Variants in ARL3 observed in about 807,000 individuals in gnomAD.
ARL3 encodes the protein ADP-ribosylation factor-like protein 3.
A neutral mutation model predicts 26.0 loss-of-function variants in ARL3; 9 were observed. The ratio of observed to expected loss-of-function variants is 0.35; its 90% CI spans 0.21 to 0.60. The LOEUF (loss-of-function observed/expected upper bound fraction) is 0.60. Among genes scored for constraint, ARL3 ranks in the 20% least tolerant of loss-of-function variants. The pLI is 0.78. For missense variants in ARL3, 158 were observed against 215.7 expected (o/e 0.73, Z 1.67); for synonymous variants, 71 against 78.4 (o/e 0.91, Z 0.50).
chr10:102,705,541 T>C (rs1338275884), intron 1 of ARL3, 52 bp from the exon 2 acceptor site: 1 of 1,460,456 alleles, frequency 6.8e-7, no homozygotes, highest in Non-Finnish European at 9.2e-7. Context: ...GACTGTGATA[T>C]TAACTGGATA....
chr10:102,711,628 G>C (rs2136012294), intron 1 of ARL3, among the ~76,000 whole-genome samples: 1 of 152,136 alleles, frequency 6.6e-6, no homozygotes, highest in Admixed American at 6.6e-5. Flanking sequence ...GTGGTGGCGG[G>C]CGCCCATAGT....
chr10:102,692,574 C>A (rs1158033365), intron 3 of ARL3, among the ~76,000 whole-genome samples: 2 of 151,958 alleles, frequency 1.3e-5, no homozygotes, highest in African/African-American at 2.4e-5. Flanking sequence ...TGCCACCACA[C>A]CTGGCTAATT....
chr10:102,714,260 C>T lies in ARL3; in HGVS notation c.3+13G>A, dbSNP rs1195508741. The T allele has an allele frequency of 3.0e-6, 4 of 1,313,620 alleles. No individual in the cohort carries two copies. The highest frequency in any genetic ancestry group is 3.1e-5 in the Admixed American group (1 of 32,730). 81.4% of individuals were successfully genotyped at this position (1,313,620 alleles called of 1,614,324 possible). ...CCGGCCGGCTCCAAGGGGGCCCAGG[C>T]CCCCACACTCACCATCCTCCCGCCG... On this transcript the variant is annotated intron_variant, in intron 1 of 5. Transcript: ENST00000260746.
intron 1 of ARL3, among the ~76,000 whole-genome samples, chr10:102,709,525 C>A (rs916294714): frequency 6.7e-6 from 1 of 148,756 alleles, no homozygotes; most frequent in Non-Finnish European, 1.5e-5. Context: ...TGTGCACCTG[C>A]GGTTCCAGCT....
At chr10:102,696,125 G>A (rs1170460298) in intron 3 of ARL3, among the ~76,000 whole-genome samples, 4 of 151,652 alleles carry the variant, frequency 2.6e-5, no homozygotes, top group African/African-American at 4.8e-5. Context: ...CACCATGCCC[G>A]GCTATTTTTT....
chr10:102,677,736 T>G (rs1489130469), intron 5 of ARL3, among the ~76,000 whole-genome samples: 1 of 152,028 alleles, frequency 6.6e-6, no homozygotes, highest in African/African-American at 2.4e-5. Flanking sequence ...ACTCTCCCCT[T>G]CCCTAGAGTC....
intron 5 of ARL3, among the ~76,000 whole-genome samples, chr10:102,679,611 A>G (rs982186808): frequency 1.3e-5 from 2 of 152,144 alleles, no homozygotes; most frequent in Non-Finnish European, 2.9e-5. Flanking sequence ...AGCACCCTGA[A>G]GATGGGAAAA....
At chr10:102,698,699 C>T (rs560277879) in intron 3 of ARL3, among the ~76,000 whole-genome samples, 1 of 152,178 alleles carries the variant, frequency 6.6e-6, no homozygotes. Flanking sequence ...GAAGTGACAG[C>T]GAGCTGGGAG....
At chr10:102,695,384 G>A (rs893280882) in intron 3 of ARL3, among the ~76,000 whole-genome samples, 8 of 152,092 alleles carry the variant, frequency 5.3e-5, no homozygotes, top group African/African-American at 1.9e-4. Context: ...GGTGCTAAAT[G>A]GTATTTTGCT....
intron 3 of ARL3, among the ~76,000 whole-genome samples, chr10:102,696,667 G>A (rs2064250226): frequency 6.6e-6 from 1 of 152,226 alleles, no homozygotes; most frequent in African/African-American, 2.4e-5. Flanking sequence ...TAGGTACAAA[G>A]AATCTGCTGA....
intron 1 of ARL3, among the ~76,000 whole-genome samples, chr10:102,712,297 T>C (rs553517412): frequency 9.9e-5 from 15 of 152,232 alleles, no homozygotes; most frequent in Non-Finnish European, 1.8e-4. Context: ...CAGTTAACCA[T>C]GGGGGCTCAT....
At chr10:102,682,182 T>C (rs533207748) in intron 5 of ARL3, among the ~76,000 whole-genome samples, 1 of 152,158 alleles carries the variant, frequency 6.6e-6, no homozygotes. Flanking sequence ...CTCTTTCCGC[T>C]TTCATCCACT....
chr10:102,692,718 C>CT (rs1477748821), intron 3 of ARL3, among the ~76,000 whole-genome samples: 7 of 139,690 alleles, frequency 5.0e-5, no homozygotes, highest in East Asian at 2.2e-4. Flanking sequence ...TGTCTTTTTT[C>CT]TTTTTTTTGA....
intron 1 of ARL3, among the ~76,000 whole-genome samples, chr10:102,712,752 C>T (rs978979335): frequency 6.6e-6 from 1 of 152,140 alleles, no homozygotes; most frequent in African/African-American, 2.4e-5. Flanking sequence ...TCGGCATGCC[C>T]TTTTCATTCC....
At chr10:102,689,984 T>C (rs2064208313) in intron 3 of ARL3, 41 bp from the exon 4 acceptor site, 1 of 1,418,582 alleles carries the variant, frequency 7.0e-7, no homozygotes. Context: ...TGAGCAGAGA[T>C]GGAAAAGACA....
At chr10:102,701,924 C>T (rs899197736) in intron 2 of ARL3, among the ~76,000 whole-genome samples, 2 of 151,896 alleles carry the variant, frequency 1.3e-5, no homozygotes, top group Admixed American at 6.6e-5. Context: ...GTGGCTCACA[C>T]CCATAATCCC....
chr10:102,706,507 T>C (rs1423537278), intron 1 of ARL3, among the ~76,000 whole-genome samples: 6 of 152,186 alleles, frequency 3.9e-5, no homozygotes, highest in Non-Finnish European at 8.8e-5. Context: ...ATTCAAAATG[T>C]TCTACTATCA....
rs995146312 is a variant in ARL3 at position 102,714,354 on chromosome 10, C to T, written c.-79G>A. 7.9e-7 allele frequency: 1 copy of T among 1,259,098 alleles called. No individual in the cohort carries two copies. Among genetic ancestry groups the T allele is most frequent in the Non-Finnish European group, 1.0e-6 (1 of 988,230 alleles). 78.0% of individuals were successfully genotyped at this position (1,259,098 alleles called of 1,614,324 possible). On this transcript the variant is annotated 5_prime_UTR_variant, in exon 1 of 6. Transcript: ENST00000260746. ...AGGGGCAACTGCTGCGGCGCCGCCC[C>T]CGACGTCCCTCGCACGCACAGCTGA...
At position 102,675,746 on chromosome 10, in the gene ARL3, G is replaced by A. The variant is rs558794083; in HGVS notation, c.*1148C>T. On this transcript the variant is annotated 3_prime_UTR_variant, in exon 6 of 6. Transcript: ENST00000260746. ...GGGTGACTCTTGATTCCTTGGACAC[G>A]ACCCCTGCAGTCACACACACACCCA... 10 of 152,268 alleles carry A rather than the reference G, an allele frequency of 6.6e-5. No individual in the cohort carries two copies. The East Asian group carries it at 1.4e-3, about 21-fold the overall frequency. The allele number at this position is 152,268 out of a possible 1,614,324, so 9.4% of individuals were successfully genotyped here.
Sources: gnomAD v4.1 joint callset for allele counts (sites outside exome capture counted in the v4.1 genomes callset) on GRCh38, gnomAD v4.1.1 for gene constraint, MANE v1.5 for transcripts, NCBI Gene and HGNC (gene_info 2026-07-23, HGNC 2026-07-21) for gene names.